Variants in CRISPLD2 observed in about 807,000 individuals in gnomAD.
CRISPLD2 encodes cysteine-rich secretory protein LCCL domain-containing 2.
Under a neutral mutation model 71.1 loss-of-function variants are expected in CRISPLD2, and 47 were observed. That is an observed-to-expected ratio of 0.66 (90% CI 0.52 to 0.84). The LOEUF (loss-of-function observed/expected upper bound fraction) is 0.84, where lower values mean the gene tolerates loss of function less well. Among genes scored for constraint, CRISPLD2 ranks in the 40% least tolerant of loss-of-function variants. The probability of loss-of-function intolerance (pLI) is 0.00; values close to 1 mark genes in which losing one functional copy is unlikely to be tolerated. For missense variants in CRISPLD2, 830 were observed against 651.1 expected, an observed-to-expected ratio of 1.27 and a Z score of -2.99; for synonymous variants, 317 against 250.1, an observed-to-expected ratio of 1.27 and a Z score of -2.52.
chr16:84,833,509 G>A (rs1213292741), intron 1 of CRISPLD2, among the ~76,000 whole-genome samples: 5 of 152,194 alleles, frequency 3.3e-5, no homozygotes, highest in Admixed American at 2.0e-4. Flanking sequence ...CATGCACCCG[G>A]CCCTGCCTGG....
chr16:84,848,118 C>A lies in CRISPLD2; in HGVS notation c.360-1267C>A, dbSNP rs184762807. On this transcript the variant is annotated intron_variant, in intron 3 of 14. Coordinates refer to ENST00000262424, the MANE Select transcript of CRISPLD2 (RefSeq NM_031476.4). ...AAGAGCCCCTGACTCTGCATGGCCC[C>A]CCGGGGCAGCCGCGGGTTCCTTTCC... Among the ~76,000 whole-genome samples, 38 of 152,306 alleles carry A rather than the reference C, an allele frequency of 2.5e-4. No individual in the cohort carries two copies. The East Asian group carries it at 7.1e-3, about 29-fold the overall frequency.
At chr16:84,822,500 GGGA>G (rs1358813124) in intron 1 of CRISPLD2, among the ~76,000 whole-genome samples, 1 of 152,194 alleles carries the variant, frequency 6.6e-6, no homozygotes, top group East Asian at 1.9e-4. Flanking sequence ...TGCTGTGTGT[GGGA>G]GGTGTCTGCA....
intron 8 of CRISPLD2, among the ~76,000 whole-genome samples, chr16:84,872,051 A>G (rs1424061589): frequency 2.0e-5 from 3 of 152,206 alleles, no homozygotes; most frequent in African/African-American, 7.2e-5. Flanking sequence ...TTTAAAAACA[A>G]TACAGTGTAA....
At position 84,876,224 on chromosome 16, in the gene CRISPLD2, G is replaced by A. The variant is rs527483123; in HGVS notation, c.1157-1214G>A. Among the ~76,000 whole-genome samples the A allele has an allele frequency of 1.2e-4, 19 of 152,288 alleles. No individual in the cohort carries two copies. The East Asian group carries it at 2.1e-3, about 17-fold the overall frequency. On this transcript the variant is annotated intron_variant, in intron 11 of 14. Coordinates refer to ENST00000262424, the MANE Select transcript of CRISPLD2 (RefSeq NM_031476.4). ...CCTTTAAGAAAAAGTTTACCTGGCCGGGCGCGGTGGCTCACGCCTATAATC... is the reference window on the plus strand; with the variant it reads ...CCTTTAAGAAAAAGTTTACCTGGCCAGGCGCGGTGGCTCACGCCTATAATC...
At chr16:84,878,652 T>C (rs2071542151) in intron 12 of CRISPLD2, among the ~76,000 whole-genome samples, 1 of 152,076 alleles carries the variant, frequency 6.6e-6, no homozygotes, top group African/African-American at 2.4e-5. Flanking sequence ...AAATAAAGGG[T>C]GTCCTGGGAA....
intron 1 of CRISPLD2, among the ~76,000 whole-genome samples, chr16:84,830,758 C>T (rs995525174): frequency 1.3e-5 from 2 of 151,834 alleles, no homozygotes; most frequent in Non-Finnish European, 2.9e-5. Flanking sequence ...ATACTTAAAA[C>T]CTATCACTTT....
intron 1 of CRISPLD2, among the ~76,000 whole-genome samples, chr16:84,821,038 G>A (rs1433576201): frequency 6.6e-6 from 1 of 152,238 alleles, no homozygotes; most frequent in Non-Finnish European, 1.5e-5. Flanking sequence ...GCGTCTCTCA[G>A]CCAAAATGTG....
intron 5 of CRISPLD2, among the ~76,000 whole-genome samples, chr16:84,851,880 C>T (rs1435632775): frequency 2.0e-5 from 3 of 152,244 alleles, no homozygotes; most frequent in Admixed American, 6.5e-5. Context: ...GTAAAATATA[C>T]TCATCTGAAG....
chr16:84,865,672 G>T (rs1211265924), intron 6 of CRISPLD2, among the ~76,000 whole-genome samples: 1 of 152,120 alleles, frequency 6.6e-6, no homozygotes, highest in Non-Finnish European at 1.5e-5. Context: ...AGATATGCTC[G>T]TGAATTTGTC....
At chr16:84,855,197 C>T (rs898456356) in intron 6 of CRISPLD2, among the ~76,000 whole-genome samples, 1 of 152,142 alleles carries the variant, frequency 6.6e-6, no homozygotes, top group African/African-American at 2.4e-5. Flanking sequence ...ACCTGTAATC[C>T]CAGCACTTTG....
intron 14 of CRISPLD2, among the ~76,000 whole-genome samples, chr16:84,903,890 C>T (rs1002959153): frequency 3.9e-5 from 6 of 152,200 alleles, no homozygotes; most frequent in Admixed American, 1.3e-4. Flanking sequence ...AGCCTGGGAC[C>T]GCTCCTGTTC....
chr16:84,857,546 C>T (rs545405313), intron 6 of CRISPLD2, among the ~76,000 whole-genome samples: 6 of 152,318 alleles, frequency 3.9e-5, no homozygotes, highest in East Asian at 1.9e-4. Flanking sequence ...TTTCTCCTTC[C>T]ATGCAAAGTG....
chr16:84,833,557 C>A (rs1916539356), intron 1 of CRISPLD2, among the ~76,000 whole-genome samples: 1 of 152,098 alleles, frequency 6.6e-6, no homozygotes, highest in Non-Finnish European at 1.5e-5. Context: ...AGAGTGGGAG[C>A]CTCACACCCT....
intron 1 of CRISPLD2, among the ~76,000 whole-genome samples, chr16:84,837,633 G>A (rs966629843): frequency 4.6e-5 from 7 of 152,132 alleles, no homozygotes; most frequent in Non-Finnish European, 1.5e-5. Flanking sequence ...TAGCCAGGAT[G>A]GTCTCGATCT....
Position 84,838,946 on chromosome 16 carries a change from T to G in CRISPLD2, c.240+211T>G, listed in dbSNP as rs1434816075. 8.2e-6 allele frequency: 6 copies of G among 728,054 alleles called. No individual in the cohort carries two copies. In the African/African-American group the frequency reaches 1.0e-4, roughly 13 times the overall value. The allele number at this position is 728,054 out of a possible 1,614,324, so 45.1% of individuals were successfully genotyped here. ...CTCTGCCACTGACGCTGGAGTGCAA[T>G]GGCACAATCGTCATGCCCTGAAACC... On this transcript the variant is annotated intron_variant, in intron 2 of 14. Transcript: ENST00000262424.
intron 14 of CRISPLD2, among the ~76,000 whole-genome samples, chr16:84,902,772 C>CTTTTT (rs757030374): frequency 0.038 from 3,296 of 85,920 alleles, 620 homozygotes; most frequent in African/African-American, 0.15. Flanking sequence ...CGGCCCATTG[C>CTTTTT]TTTTTTTTTT....
chr16:84,854,860 T>C (rs1917193347), intron 6 of CRISPLD2, 31 bp downstream of exon 6: 2 of 1,538,516 alleles, frequency 1.3e-6, no homozygotes, highest in South Asian at 1.1e-5. Flanking sequence ...ACTTTTGCAA[T>C]GAATTTGCCC....
chr16:84,849,398 G>C lies in CRISPLD2; in HGVS notation c.373G>C (p.Gly125Arg). Residue 125 changes from glycine to arginine, a missense_variant, in exon 4 of 15, where the codon GGG becomes CGG. Transcript: ENST00000262424. ...TCTGCCCTGCAGGTATCGCTCTCCGGGGTTCCATGTGCAGTCCTGGTATGA... is the reference window on the plus strand; with the variant it reads ...TCTGCCCTGCAGGTATCGCTCTCCGCGGTTCCATGTGCAGTCCTGGTATGA... ...GAHWGRYRSP[G>R]FHVQSWYDEV... 2 of 1,613,640 alleles carry C rather than the reference G, an allele frequency of 1.2e-6. No individual in the cohort carries two copies. The highest frequency in any genetic ancestry group is 1.7e-6 in the Non-Finnish European group (2 of 1,179,652).
rs1476451450 is a variant in CRISPLD2, at chr16:84,840,840, C to G, written c.240+2105C>G. ...TACAGGCATGAACCACCGTGCCCGG[C>G]CTATACATATTTATTGAATGTGTGG... On this transcript the variant is annotated intron_variant, in intron 2 of 14. Coordinates refer to ENST00000262424, the MANE Select transcript of CRISPLD2 (RefSeq NM_031476.4). Among the ~76,000 whole-genome samples, 3 of 152,308 alleles carry G rather than the reference C, an allele frequency of 2.0e-5. No individual in the cohort carries two copies. The East Asian group carries it at 5.8e-4, about 29-fold the overall frequency.
Sources: gnomAD v4.1 joint callset for allele counts (sites outside exome capture counted in the v4.1 genomes callset) on GRCh38, gnomAD v4.1.1 for gene constraint, MANE v1.5 for transcripts, NCBI Gene and HGNC (gene_info 2026-07-23, HGNC 2026-07-21) for gene names.